GALNT18: variants seen among roughly 807,000 people sequenced by gnomAD.
GALNT18 encodes the protein GalNAc-transferase 18.
A neutral mutation model predicts 69.5 loss-of-function variants in GALNT18; 44 were observed. The observed-to-expected ratio is 0.63, with a 90% confidence interval of 0.50 to 0.81. GALNT18 has a LOEUF of 0.81. GALNT18 is among the 40% of genes least tolerant of loss of function. The pLI is 0.00. For missense variants in GALNT18, 715 were observed against 810.0 expected (o/e 0.88, Z 1.42); for synonymous variants, 364 against 318.2 (o/e 1.14, Z -1.53).
chr11:11,453,317 C>T (rs1243975683), intron 1 of GALNT18, among the ~76,000 whole-genome samples: 1 of 152,128 alleles, frequency 6.6e-6, no homozygotes, highest in Non-Finnish European at 1.5e-5. Flanking sequence ...CTGCAAGGCC[C>T]AGCACTCACC....
chr11:11,509,045 C>T (rs1857121677), intron 1 of GALNT18, among the ~76,000 whole-genome samples: 1 of 152,082 alleles, frequency 6.6e-6, no homozygotes, highest in African/African-American at 2.4e-5. Context: ...ACCTCTCGGA[C>T]CAAACTGAAC....
rs565043057 is a variant in GALNT18 at position 11,511,718 on chromosome 11, A to T, written c.236-62782T>A. Among the ~76,000 whole-genome samples the T allele has an allele frequency of 6.6e-6, 1 of 152,194 alleles. No homozygotes were observed. Among genetic ancestry groups the T allele is most frequent in the East Asian group, 1.9e-4 (1 of 5,162 alleles). On this transcript the variant is annotated intron_variant, in intron 1 of 10. Transcript: ENST00000227756. The surrounding 1 kb of genome is among the most constrained non-coding windows in gnomAD (Gnocchi z 4.9). Reference sequence around the variant, plus strand: ...TAAGGGTGGAGCCCTCATCAATGGTATATTGGTGCCCTTCTAAGAAGAGGC... The same window carrying T: ...TAAGGGTGGAGCCCTCATCAATGGTTTATTGGTGCCCTTCTAAGAAGAGGC...
At chr11:11,580,920 G>A (rs935460420) in intron 1 of GALNT18, among the ~76,000 whole-genome samples, 12 of 152,332 alleles carry the variant, frequency 7.9e-5, no homozygotes, top group Middle Eastern at 3.4e-3. Flanking sequence ...AATCTCCACC[G>A]TCCTCCGGCA....
intron 10 of GALNT18, among the ~76,000 whole-genome samples, chr11:11,286,515 T>G (rs186823412): frequency 2.1e-3 from 319 of 152,250 alleles, no homozygotes; most frequent in African/African-American, 7.1e-3. Flanking sequence ...CCAGTGAGCA[T>G]GCATGCATCC....
In GALNT18 at chr11:11,591,195, A is replaced by C. The variant is rs547116272; in HGVS notation, c.235+30164T>G. On this transcript the variant is annotated intron_variant, in intron 1 of 10. Coordinates refer to ENST00000227756, the MANE Select transcript of GALNT18 (RefSeq NM_198516.3). This position sits in a 1 kb window ranked among gnomAD's most constrained non-coding sequence, Gnocchi z 4.8. ...GTGTGTGTGTGTGTGTTAGTTTTTAAGCCTTTTTAAGGCCTTTTTAAGGCT... is the reference window on the plus strand; with the variant it reads ...GTGTGTGTGTGTGTGTTAGTTTTTACGCCTTTTTAAGGCCTTTTTAAGGCT... Among the ~76,000 whole-genome samples, 20 of 143,870 alleles carry C rather than the reference A, an allele frequency of 1.4e-4. No homozygotes were observed. The highest frequency in any genetic ancestry group is 5.4e-4 in the African/African-American group (20 of 36,972). 94.4% of individuals were successfully genotyped at this position (143,870 alleles called of 152,430 possible).
intron 9 of GALNT18, among the ~76,000 whole-genome samples, chr11:11,297,031 G>T (rs4309156): frequency 6.6e-6 from 1 of 152,154 alleles, no homozygotes; most frequent in Non-Finnish European, 1.5e-5. Context: ...AAGTGACTTA[G>T]AACGATGGTC....
rs78924910 is a variant in GALNT18 at position 11,288,358 on chromosome 11, A to G, written c.1677+4671T>C. ...AGTGAGCCTCTACTTGGGATGTTCT[A>G]TGCTTGGAAACTGTCTCTACAACCT... On this transcript the variant is annotated intron_variant, in intron 10 of 10. Coordinates refer to ENST00000227756, the MANE Select transcript of GALNT18 (RefSeq NM_198516.3). Among the ~76,000 whole-genome samples, 8 of 152,266 alleles carry G rather than the reference A, an allele frequency of 5.3e-5. No individual in the cohort carries two copies. In the East Asian group the frequency reaches 1.2e-3, roughly 22 times the overall value.
In GALNT18 at chr11:11,608,421, G is replaced by T. The variant is rs987749641; in HGVS notation, c.235+12938C>A. ...GTCACCCAGGCTTGAGTACAATGGT[G>T]CAATCTCGGCTCACTGCAACCTCCG... is the stretch of plus-strand genomic sequence containing the variant. On this transcript the variant is annotated intron_variant, in intron 1 of 10. Transcript: ENST00000227756. 2.8e-4 allele frequency among the ~76,000 whole-genome samples: 42 copies of T among 151,852 alleles called. 1 individual carries two copies. Among genetic ancestry groups the T allele is most frequent in the Admixed American group, 2.8e-3 (42 of 15,242 alleles).
chr11:11,352,145 G>GCC (rs1850421832), intron 6 of GALNT18: 1 of 1,613,474 alleles, frequency 6.2e-7, no homozygotes, highest in Non-Finnish European at 8.5e-7. Context: ...TCACAACAGT[G>GCC]TAGAAATAGG....
At position 11,432,030 on chromosome 11, in the gene GALNT18, G is replaced by C. The variant is rs905048786; in HGVS notation, c.595+591C>G. Among the ~76,000 whole-genome samples, 3 of 152,174 alleles carry C rather than the reference G, an allele frequency of 2.0e-5. No individual in the cohort carries two copies. Among genetic ancestry groups the C allele is most frequent in the Admixed American group, 6.5e-5 (1 of 15,290 alleles). ...GAGAAAGAGAGTTAGTGATTTGATG[G>C]CTTCAACAAGGTGTTTGCAGGCCAC... On this transcript the variant is annotated intron_variant, in intron 3 of 10. Coordinates refer to ENST00000227756, the MANE Select transcript of GALNT18 (RefSeq NM_198516.3). The surrounding 1 kb of genome is among the most constrained non-coding windows in gnomAD (Gnocchi z 5.8).
rs762237199 is a variant in GALNT18, at chr11:11,396,549, TAACA to T, written c.596-17289_596-17286del. On this transcript the variant is annotated intron_variant, in intron 3 of 10. Transcript: ENST00000227756. The surrounding 1 kb of genome is among the most constrained non-coding windows in gnomAD (Gnocchi z 5.2). ...CTACATAGCAACACGGACAGCTTGG[TAACA>T]AACAAAGAAAATGGAAGCCAAGCGT... 5.9e-5 allele frequency among the ~76,000 whole-genome samples: 9 copies of T among 152,160 alleles called. No individual in the cohort carries two copies. The East Asian group carries it at 1.4e-3, about 23-fold the overall frequency.
chr11:11,491,906 C>T (rs1856778486), intron 1 of GALNT18, among the ~76,000 whole-genome samples: 1 of 152,166 alleles, frequency 6.6e-6, no homozygotes, highest in Admixed American at 6.5e-5. Flanking sequence ...CAAAGAAAGC[C>T]TACCCATTAC....
intron 2 of GALNT18, among the ~76,000 whole-genome samples, chr11:11,440,984 T>C (rs1855521420): frequency 6.6e-6 from 1 of 152,190 alleles, no homozygotes; most frequent in Admixed American, 6.5e-5. Flanking sequence ...TTTTAACTAC[T>C]ACTCTATAAT....
Position 11,402,639 on chromosome 11 carries a change from A to C in GALNT18, c.596-23375T>G, listed in dbSNP as rs1045059212. On this transcript the variant is annotated intron_variant, in intron 3 of 10. Transcript: ENST00000227756. The surrounding 1 kb of genome is among the most constrained non-coding windows in gnomAD (Gnocchi z 4.0). ...TCCTCAAACTTCATTATCTCAAGGCATAAGTCCTCTTTTTCATGGATAGAG... is the reference window on the plus strand; with the variant it reads ...TCCTCAAACTTCATTATCTCAAGGCCTAAGTCCTCTTTTTCATGGATAGAG... 6.6e-6 allele frequency among the ~76,000 whole-genome samples: 1 copy of C among 152,234 alleles called. No individual in the cohort carries two copies. Among genetic ancestry groups the C allele is most frequent in the African/African-American group, 2.4e-5 (1 of 41,458 alleles).
At position 11,280,234 on chromosome 11, in the gene GALNT18, C is replaced by G. The variant is rs184269038; in HGVS notation, c.1678-8944G>C. On this transcript the variant is annotated intron_variant, in intron 10 of 10. Coordinates refer to ENST00000227756, the MANE Select transcript of GALNT18 (RefSeq NM_198516.3). ...AACTGAAACAGCAGCTGCTGGGGCC[C>G]ACTGTTTGCCAGGGAGAAACCTGCA... Among the ~76,000 whole-genome samples, 22 of 152,306 alleles carry G rather than the reference C, an allele frequency of 1.4e-4. No homozygotes were observed. In the East Asian group the frequency reaches 3.9e-3, roughly 27 times the overall value.
Position 11,540,388 on chromosome 11 carries a change from TG to T in GALNT18, c.235+80970del, listed in dbSNP as rs2133954234. Among the ~76,000 whole-genome samples the T allele has an allele frequency of 6.6e-6, 1 of 152,278 alleles. No homozygotes were observed. Among genetic ancestry groups the T allele is most frequent in the African/African-American group, 2.4e-5 (1 of 41,552 alleles). On this transcript the variant is annotated intron_variant, in intron 1 of 10. Transcript: ENST00000227756. This position sits in a 1 kb window ranked among gnomAD's most constrained non-coding sequence, Gnocchi z 4.6. ...AGCATGCCAAGAGCCCTGGGTGGTTTGGGTTTGTTTTGTCCATACCCACACC... is the reference window on the plus strand; with the variant it reads ...AGCATGCCAAGAGCCCTGGGTGGTTTGGTTTGTTTTGTCCATACCCACACC...
intron 3 of GALNT18, among the ~76,000 whole-genome samples, chr11:11,423,812 C>T (rs1309187455): frequency 1.3e-5 from 2 of 152,232 alleles, no homozygotes; most frequent in South Asian, 2.1e-4. Flanking sequence ...TCCTTAACTT[C>T]GCTGGGTCTG....
chr11:11,321,529 C>T (rs1225955800), intron 9 of GALNT18, among the ~76,000 whole-genome samples: 1 of 152,224 alleles, frequency 6.6e-6, no homozygotes, highest in Non-Finnish European at 1.5e-5. Context: ...GCCCACTTCA[C>T]TGTCCTTTCC....
chr11:11,271,812 A>G (rs1446292375), intron 10 of GALNT18, among the ~76,000 whole-genome samples: 1 of 152,184 alleles, frequency 6.6e-6, no homozygotes, highest in Non-Finnish European at 1.5e-5. Flanking sequence ...CCTGACATGC[A>G]TGATTTTTCC....
Sources: gnomAD v4.1 joint callset for allele counts (sites outside exome capture counted in the v4.1 genomes callset) on GRCh38, gnomAD v4.1.1 for gene constraint, Gnocchi (gnomAD v3.1) non-coding constraint, MANE v1.5 for transcripts, NCBI Gene and HGNC (gene_info 2026-07-23, HGNC 2026-07-21) for gene names.